CRYL1: variants seen among roughly 807,000 people sequenced by gnomAD.
CRYL1 encodes lambda-crystallin homolog.
In CRYL1, 29 loss-of-function variants were observed where a neutral mutation model predicts 36.6. That is an observed-to-expected ratio of 0.79 (90% confidence interval 0.59 to 1.08). The LOEUF (loss-of-function observed/expected upper bound fraction) is 1.08, where lower values mean the gene tolerates loss of function less well. CRYL1 is among the 50% of genes least tolerant of loss of function. The pLI, the probability that CRYL1 is intolerant of heterozygous loss-of-function variation, is 0.00. For missense variants in CRYL1, 411 were observed against 407.9 expected, an observed-to-expected ratio of 1.01 and a Z score of -0.06; for synonymous variants, 152 against 151.5, an observed-to-expected ratio of 1.00 and a Z score of -0.02.
Position 20,439,704 on chromosome 13 carries a change from T to C in CRYL1, c.327A>G (p.Leu109=). The C allele has an allele frequency of 6.2e-7, 1 of 1,613,858 alleles. No homozygotes were observed. The highest frequency in any genetic ancestry group is 1.6e-4 in the Middle Eastern group (1 of 6,062). Reference sequence around the variant, plus strand: ...TCACTCGATCATCAATGATGGAATCTAACTGAGCAAAAATCTTCTTCTTCA... The same window carrying C: ...TCACTCGATCATCAATGATGGAATCCAACTGAGCAAAAATCTTCTTCTTCA... ...LELKKKIFAQ[L]DSIIDDRVIL... Residue 109 remains leucine, a synonymous_variant, in exon 4 of 8, where the codon TTA becomes TTG. Coordinates refer to ENST00000298248, the MANE Select transcript of CRYL1 (RefSeq NM_015974.3).
chr13:20,459,028 G>T lies in CRYL1; in HGVS notation c.277-19274C>A, dbSNP rs573962309. 3.9e-4 allele frequency among the ~76,000 whole-genome samples: 59 copies of T among 152,222 alleles called. No homozygotes were observed. In the East Asian group the frequency reaches 7.1e-3, roughly 18 times the overall value. On this transcript the variant is annotated intron_variant, in intron 3 of 7. Coordinates refer to ENST00000298248, the MANE Select transcript of CRYL1 (RefSeq NM_015974.3). ...AGGCGGGCGGATCACAAGGTCAGGAGATCAAGACCATCCTGGCTAACACGG... is the reference window on the plus strand; with the variant it reads ...AGGCGGGCGGATCACAAGGTCAGGATATCAAGACCATCCTGGCTAACACGG...
At chr13:20,461,126 T>C (rs9509230) in intron 3 of CRYL1, among the ~76,000 whole-genome samples, 1 of 152,234 alleles carries the variant, frequency 6.6e-6, no homozygotes, top group Non-Finnish European at 1.5e-5. Context: ...GACTCTCTGG[T>C]TTTCCTCTTC....
intron 2 of CRYL1, among the ~76,000 whole-genome samples, chr13:20,495,901 G>A (rs576907180): frequency 3.9e-5 from 6 of 152,150 alleles, no homozygotes; most frequent in African/African-American, 7.2e-5. Flanking sequence ...GGCTTCAGGC[G>A]ATTCTCCTGC....
chr13:20,449,615 G>GA (rs369726459), intron 3 of CRYL1, among the ~76,000 whole-genome samples: 38 of 143,814 alleles, frequency 2.6e-4, no homozygotes, highest in Admixed American at 1.3e-3. Context: ...AATCCAGGAA[G>GA]AAAAAAAAAA....
chr13:20,404,662 G>A lies in CRYL1; in HGVS notation c.819C>T (p.Ser273=). Residue 273 remains serine, a synonymous_variant, in exon 7 of 8, where the codon TCC becomes TCT. Coordinates refer to ENST00000298248, the MANE Select transcript of CRYL1 (RefSeq NM_015974.3). ...GGTTAACCTTCTCAGCAGTGGCCCT[G>A]GAAAACTCTGGAATGGGTCCAAAAG... ...LQTFGPIPEF[S]RATAEKVNQD... is the part of the protein sequence containing the mutation. 6.2e-7 allele frequency: 1 copy of A among 1,613,408 alleles called. No individual in the cohort carries two copies. Among genetic ancestry groups the A allele is most frequent in the Admixed American group, 1.7e-5 (1 of 60,004 alleles).
At chr13:20,423,994 C>T (rs2031877838) in intron 5 of CRYL1, among the ~76,000 whole-genome samples, 1 of 152,038 alleles carries the variant, frequency 6.6e-6, no homozygotes, top group Non-Finnish European at 1.5e-5. Context: ...TGGTCTCGAA[C>T]TCCTGACCTC....
chr13:20,487,422 C>A (rs535547900), intron 3 of CRYL1, among the ~76,000 whole-genome samples: 4 of 152,102 alleles, frequency 2.6e-5, no homozygotes, highest in Admixed American at 2.6e-4. Context: ...CTCCAAGAGG[C>A]AAAGGTAACA....
intron 3 of CRYL1, among the ~76,000 whole-genome samples, chr13:20,480,382 C>CA (rs1157623995): frequency 0.063 from 8,488 of 135,528 alleles, 751 homozygotes; most frequent in African/African-American, 0.21. Context: ...AACTCTGTCT[C>CA]AAAAAAAAAA....
chr13:20,473,300 C>T (rs1424172580), intron 3 of CRYL1, among the ~76,000 whole-genome samples: 1 of 152,216 alleles, frequency 6.6e-6, no homozygotes, highest in Admixed American at 6.5e-5. Context: ...TCACTGTGGC[C>T]GGAGCGTCGG....
intron 5 of CRYL1, among the ~76,000 whole-genome samples, chr13:20,414,267 G>T (rs879297531): frequency 0.013 from 1,962 of 152,072 alleles, 39 homozygotes; most frequent in African/African-American, 0.044. Flanking sequence ...GTGTGTGTGT[G>T]TGTGTGTGTG....
At chr13:20,497,018 G>A (rs140696788) in intron 2 of CRYL1, among the ~76,000 whole-genome samples, 5 of 152,072 alleles carry the variant, frequency 3.3e-5, no homozygotes, top group Non-Finnish European at 7.4e-5. Context: ...AAATGCCAAC[G>A]AAAAGCAAGT....
chr13:20,495,844 C>A (rs1427801205), intron 2 of CRYL1, among the ~76,000 whole-genome samples: 5 of 152,244 alleles, frequency 3.3e-5, no homozygotes, highest in African/African-American at 1.2e-4. Flanking sequence ...ATATGCCAGG[C>A]TGGAGTGCAG....
intron 4 of CRYL1, among the ~76,000 whole-genome samples, chr13:20,438,677 C>T (rs2032286280): frequency 6.6e-6 from 1 of 152,164 alleles, no homozygotes; most frequent in Non-Finnish European, 1.5e-5. Context: ...CCAACTAGGT[C>T]CTAGCCAGGC....
chr13:20,446,163 G>T (rs566466809), intron 3 of CRYL1, among the ~76,000 whole-genome samples: 2 of 152,222 alleles, frequency 1.3e-5, no homozygotes, highest in Admixed American at 1.3e-4. Context: ...CCAGGCTGGA[G>T]TGCAGTGGCA....
chr13:20,429,668 A>G lies in CRYL1; in HGVS notation c.633+2434T>C, dbSNP rs558859193. ...GAGACGAGGCACGGTTCTGCCGCGC[A>G]GCCCCAGAGTCTTATGGAATACAGG... is the stretch of plus-strand genomic sequence containing the variant. On this transcript the variant is annotated intron_variant, in intron 5 of 7. Coordinates refer to ENST00000298248, the MANE Select transcript of CRYL1 (RefSeq NM_015974.3). Among the ~76,000 whole-genome samples the G allele has an allele frequency of 5.3e-5, 8 of 152,304 alleles. 1 individual carries two copies. In the East Asian group the frequency reaches 1.5e-3, roughly 29 times the overall value.
intron 3 of CRYL1, among the ~76,000 whole-genome samples, chr13:20,478,002 T>C (rs1337824414): frequency 6.7e-6 from 1 of 148,560 alleles, no homozygotes; most frequent in African/African-American, 2.4e-5. Flanking sequence ...TAAAAATATA[T>C]ATGGGCAGGC....
Position 20,432,108 on chromosome 13 carries a change from T to C in CRYL1, c.627A>G (p.Leu209=). Residue 209 remains leucine, a synonymous_variant, in exon 5 of 8, where the codon CTA becomes CTG. Coordinates refer to ENST00000298248, the MANE Select transcript of CRYL1 (RefSeq NM_015974.3). The part of the protein sequence containing the change: ...QYAIISEAWR[L]VEEGIVSPSD... The stretch of plus-strand genomic sequence containing the variant: ...AGAGGACGGGCACACACACCTCCAC[T>C]AGCCGCCAGGCCTCGCTGATGATTG... 9.3e-6 allele frequency: 15 copies of C among 1,614,052 alleles called. No homozygotes were observed. Among genetic ancestry groups the C allele is most frequent in the Non-Finnish European group, 1.3e-5 (15 of 1,180,000 alleles).
chr13:20,439,928 G>C (rs1179462484), intron 3 of CRYL1, 174 bp from the exon 4 acceptor site: 10 of 604,266 alleles, frequency 1.7e-5, no homozygotes, highest in Non-Finnish European at 2.9e-5. Flanking sequence ...AAGCAGGGAG[G>C]TCCCTCTGCC....
At chr13:20,430,478 C>A in intron 5 of CRYL1, 1 of 985,370 alleles carries the variant, frequency 1.0e-6, no homozygotes, top group South Asian at 4.7e-5. Flanking sequence ...TGCCATGACC[C>A]ATGAAGAGGG....
Sources: gnomAD v4.1 joint callset for allele counts (sites outside exome capture counted in the v4.1 genomes callset) on GRCh38, gnomAD v4.1.1 for gene constraint, MANE v1.5 for transcripts, NCBI Gene and HGNC (gene_info 2026-07-23, HGNC 2026-07-21) for gene names.